Variants in PPARGC1A observed in about 807,000 individuals in gnomAD.
PPARGC1A encodes PPARG coactivator 1 alpha, also known as peroxisome proliferator-activated receptor gamma coactivator 1-alpha.
Under a neutral mutation model 88.7 loss-of-function variants are expected in PPARGC1A, and 25 were observed. That is an observed-to-expected ratio of 0.28 (90% confidence interval 0.21 to 0.39). The LOEUF is 0.39. PPARGC1A is among the 10% of genes least tolerant of loss of function. PPARGC1A has a pLI of 1.00. For missense variants in PPARGC1A, 880 were observed against 968.7 expected (o/e 0.91, Z 1.22); for synonymous variants, 363 against 355.6 (o/e 1.02, Z -0.24).
the PPARGC1A span, among the ~76,000 whole-genome samples, chr4:23,933,274 C>A: frequency 6.6e-6 from 1 of 152,170 alleles, no homozygotes; most frequent in African/African-American, 2.4e-5. Flanking sequence ...AAGCTCACCA[C>A]CTTCATTGAA....
chr4:23,908,255 A>AT (rs1438717183), upstream of PPARGC1A, among the ~76,000 whole-genome samples: 4 of 152,196 alleles, frequency 2.6e-5, no homozygotes, highest in Non-Finnish European at 4.4e-5. Context: ...AAAAATTAAA[A>AT]TTTTAAAAAT....
the PPARGC1A span, among the ~76,000 whole-genome samples, chr4:24,454,687 A>T: frequency 1.3e-5 from 2 of 152,064 alleles, no homozygotes; most frequent in South Asian, 4.1e-4. Flanking sequence ...GCAGTGAGCC[A>T]GGATTGCACC....
chr4:24,109,746 C>T, the PPARGC1A span, among the ~76,000 whole-genome samples: 1 of 152,106 alleles, frequency 6.6e-6, no homozygotes, highest in African/African-American at 2.4e-5. Flanking sequence ...CCTAGGCTTC[C>T]CCATGGTTGT....
At chr4:24,221,978 G>T in the PPARGC1A span, among the ~76,000 whole-genome samples, 4 of 152,154 alleles carry the variant, frequency 2.6e-5, no homozygotes, top group Non-Finnish European at 5.9e-5. Flanking sequence ...GCAAGTCCCA[G>T]TGTTTGGAAC....
the PPARGC1A span, among the ~76,000 whole-genome samples, chr4:24,007,545 T>C: frequency 0.17 from 25,188 of 152,082 alleles, 2,160 homozygotes; most frequent in South Asian, 0.19. Context: ...TGAGTAGAGA[T>C]GAGAGGAAGT....
chr4:24,287,912 G>A, the PPARGC1A span, among the ~76,000 whole-genome samples: 3 of 152,188 alleles, frequency 2.0e-5, no homozygotes, highest in East Asian at 1.9e-4. Context: ...AGCCTTAAAC[G>A]TTGACTGTGA....
chr4:24,053,290 A>C, the PPARGC1A span, among the ~76,000 whole-genome samples: 1 of 152,136 alleles, frequency 6.6e-6, no homozygotes, highest in Non-Finnish European at 1.5e-5. Context: ...TTCAGAATTC[A>C]AATCAAATAG....
At chr4:24,154,808 C>T in the PPARGC1A span, among the ~76,000 whole-genome samples, 4 of 152,250 alleles carry the variant, frequency 2.6e-5, no homozygotes, top group East Asian at 7.7e-4. Flanking sequence ...ATGTAAAAAC[C>T]AGCATTATAA....
chr4:24,038,117 C>T, the PPARGC1A span, among the ~76,000 whole-genome samples: 1 of 152,180 alleles, frequency 6.6e-6, no homozygotes, highest in East Asian at 1.9e-4. Flanking sequence ...ACCAACTTCC[C>T]TTGTGCAGTA....
chr4:24,276,044 C>T, the PPARGC1A span, among the ~76,000 whole-genome samples: 5 of 152,154 alleles, frequency 3.3e-5, no homozygotes, highest in Non-Finnish European at 7.3e-5. Flanking sequence ...ACAAAGTGAT[C>T]GTTACACCCT....
chr4:24,045,191 C>T, the PPARGC1A span, among the ~76,000 whole-genome samples: 2 of 152,236 alleles, frequency 1.3e-5, no homozygotes, highest in Admixed American at 6.5e-5. Context: ...ATTCATCAAG[C>T]CTTTGTTTCT....
the PPARGC1A span, among the ~76,000 whole-genome samples, chr4:24,464,601 G>A: frequency 1.3e-5 from 2 of 152,116 alleles, no homozygotes; most frequent in Non-Finnish European, 1.5e-5. Flanking sequence ...GAGATTACAT[G>A]GATGTCTTGT....
the PPARGC1A span, chr4:24,258,316 A>G: frequency 2.9e-6 from 1 of 349,172 alleles, no homozygotes; most frequent in Non-Finnish European, 4.0e-6. Flanking sequence ...GCAGATGGGG[A>G]TACTGAAAGG....
chr4:24,387,746 AAGAGAG>A, the PPARGC1A span, among the ~76,000 whole-genome samples: 164 of 61,154 alleles, frequency 2.7e-3, 2 homozygotes, highest in African/African-American at 0.01. Context: ...GAAAGAAAGA[AAGAGAG>A]AGAGAGAGAG....
the PPARGC1A span, among the ~76,000 whole-genome samples, chr4:24,196,187 G>A: frequency 1.3e-5 from 2 of 152,200 alleles, no homozygotes; most frequent in Non-Finnish European, 2.9e-5. Flanking sequence ...TATCAGATTG[G>A]AATGTGGATA....
the PPARGC1A span, among the ~76,000 whole-genome samples, chr4:24,074,159 A>T: frequency 6.6e-6 from 1 of 152,290 alleles, no homozygotes; most frequent in Admixed American, 6.5e-5. Flanking sequence ...TTGCTCTCAC[A>T]TGAGGGAATG....
the PPARGC1A span, among the ~76,000 whole-genome samples, chr4:24,261,132 C>A: frequency 2.0e-5 from 3 of 152,210 alleles, no homozygotes; most frequent in Non-Finnish European, 4.4e-5. Flanking sequence ...TTCCACCCTA[C>A]TGGGAGAGTC....
chr4:24,215,070 C>T, the PPARGC1A span, among the ~76,000 whole-genome samples: 1 of 152,338 alleles, frequency 6.6e-6, no homozygotes, highest in Middle Eastern at 3.4e-3. Context: ...GTGCACCTTC[C>T]TTTAGCAGCT....
At chr4:23,997,626 C>T in the PPARGC1A span, among the ~76,000 whole-genome samples, 330 of 151,506 alleles carry the variant, frequency 2.2e-3, 4 homozygotes, top group Non-Finnish European at 1.3e-3. Context: ...CTCAGCCTCC[C>T]GAGTAGCTGG....
Sources: allele counts gnomAD v4.1 joint callset (sites outside exome capture counted in the v4.1 genomes callset), GRCh38; gene constraint gnomAD v4.1.1; transcripts MANE v1.5; gene names NCBI Gene and HGNC (gene_info 2026-07-23, HGNC 2026-07-21).